The following KIF24 variants were observed in gnomAD, a reference collection of about 807,000 sequenced individuals.
The protein encoded by KIF24 is kinesin-like protein KIF24.
A neutral mutation model predicts 118.9 loss-of-function variants in KIF24; 81 were observed. That is an observed-to-expected ratio of 0.68 (90% confidence interval 0.57 to 0.82). The LOEUF (loss-of-function observed/expected upper bound fraction) is 0.82. KIF24 is among the 40% of genes least tolerant of loss of function. The pLI is 0.00. For synonymous variants in KIF24, 599 were observed against 610.0 expected, an observed-to-expected ratio of 0.98 and a Z score of 0.27; for missense variants, 1,560 against 1,661.6, an observed-to-expected ratio of 0.94 and a Z score of 1.06.
chr9:34,327,815 A>G (rs1369427333), intron 1 of KIF24, among the ~76,000 whole-genome samples: 3 of 146,056 alleles, frequency 2.1e-5, no homozygotes, highest in Non-Finnish European at 3.0e-5. Flanking sequence ...AGCCTGGGTG[A>G]CAGAGCAAGA....
intron 3 of KIF24, among the ~76,000 whole-genome samples, chr9:34,298,109 G>C (rs1213675306): frequency 2.0e-5 from 3 of 152,150 alleles, no homozygotes; most frequent in Non-Finnish European, 4.4e-5. Context: ...AGTGATGGAA[G>C]GGGGGAAGGT....
At chr9:34,298,928 A>C (rs1251829368) in intron 3 of KIF24, among the ~76,000 whole-genome samples, 5 of 152,116 alleles carry the variant, frequency 3.3e-5, no homozygotes, top group Non-Finnish European at 7.3e-5. Flanking sequence ...TAATTTGGAA[A>C]AAGACAGAAA....
intron 9 of KIF24, among the ~76,000 whole-genome samples, chr9:34,262,118 T>A (rs1835078973): frequency 6.6e-6 from 1 of 152,034 alleles, no homozygotes; most frequent in Non-Finnish European, 1.5e-5. Flanking sequence ...ATTTTTAAAT[T>A]TTTTATAGAA....
At chr9:34,309,603 G>A (rs1226225720) in intron 2 of KIF24, among the ~76,000 whole-genome samples, 2 of 149,916 alleles carry the variant, frequency 1.3e-5, no homozygotes, top group Non-Finnish European at 3.0e-5. Flanking sequence ...CAATGCAATA[G>A]CAACAATCTG....
chr9:34,307,547 G>A (rs1458874300), intron 2 of KIF24, among the ~76,000 whole-genome samples: 1 of 152,090 alleles, frequency 6.6e-6, no homozygotes, highest in African/African-American at 2.4e-5. Flanking sequence ...ACTGCAGATG[G>A]AATAAATAAA....
In KIF24 at chr9:34,254,336, C is replaced by A. The variant is rs74718885; in HGVS notation, c.*44G>T. On this transcript the variant is annotated 3_prime_UTR_variant, in exon 13 of 13. Transcript: ENST00000402558. ...GCTCCTCCAGCCTGAGAGCCCAGCA[C>A]AGACTCCTGCAGGGCCCCCACCATC... is the stretch of plus-strand genomic sequence containing the variant. The A allele has an allele frequency of 6.4e-7, 1 of 1,562,438 alleles. No homozygotes were observed. The highest frequency in any genetic ancestry group is 1.9e-5 in the Admixed American group (1 of 52,448).
chr9:34,326,946 A>AC (rs1212078070), intron 1 of KIF24, among the ~76,000 whole-genome samples: 1 of 71,898 alleles, frequency 1.4e-5, no homozygotes, highest in African/African-American at 3.2e-5. Flanking sequence ...CACTGAACTG[A>AC]CAAAAAAAAA....
In KIF24 at chr9:34,254,118, C is replaced by T. The variant is rs1224762188; in HGVS notation, c.*262G>A. 1 of 365,430 alleles carries T rather than the reference C, an allele frequency of 2.7e-6. No homozygotes were observed. Among genetic ancestry groups the T allele is most frequent in the African/African-American group, 2.1e-5 (1 of 47,956 alleles). The allele number at this position is 365,430 out of a possible 1,614,324, so 22.6% of individuals were successfully genotyped here. A position where few individuals can be genotyped will look rare whatever the true frequency, so the allele number is the denominator to read the frequency against. ...GGGTTAGTTAATCATATTCTCTAGG[C>T]ACAAGGGAAAGGCATTAGGTTCTTC... On this transcript the variant is annotated 3_prime_UTR_variant, in exon 13 of 13. Transcript: ENST00000402558.
intron 3 of KIF24, among the ~76,000 whole-genome samples, chr9:34,301,987 A>ATTTT (rs71504112): frequency 4.1e-5 from 3 of 72,566 alleles, no homozygotes; most frequent in East Asian, 3.3e-4. Context: ...CTATATATGT[A>ATTTT]TTTTTTTTTC....
At chr9:34,290,955 G>T (rs1041754279) in intron 4 of KIF24, among the ~76,000 whole-genome samples, 1 of 152,140 alleles carries the variant, frequency 6.6e-6, no homozygotes, top group Admixed American at 6.5e-5. Flanking sequence ...AACTCTAGAA[G>T]ATAAAGAAAC....
At chr9:34,270,611 G>GTT (rs34058450) in intron 7 of KIF24, among the ~76,000 whole-genome samples, 42 of 146,984 alleles carry the variant, frequency 2.9e-4, no homozygotes, top group East Asian at 6.2e-4. Flanking sequence ...ACCTAGCTAT[G>GTT]TTTTTTTTTA....
In KIF24 at chr9:34,254,544, T is replaced by C. The variant is rs117977524; in HGVS notation, c.3967-24A>G. 3.0e-3 allele frequency: 4,838 copies of C among 1,609,906 alleles called. 115 individuals are homozygous for C. The East Asian group carries it at 0.045, about 15-fold the overall frequency. On this transcript the variant is annotated intron_variant, in intron 12 of 12. Coordinates refer to ENST00000402558, the MANE Select transcript of KIF24 (RefSeq NM_194313.4). ...TCCTGAGAAGGAAACAAGGGACGAA[T>C]ACAGCTTTTGCTCTTGCTGGCGCTC...
At chr9:34,286,998 A>G (rs1181489304) in intron 5 of KIF24, among the ~76,000 whole-genome samples, 1 of 152,190 alleles carries the variant, frequency 6.6e-6, no homozygotes, top group Non-Finnish European at 1.5e-5. Flanking sequence ...ATTTGTTCAG[A>G]GGTGGATATG....
At chr9:34,320,658 C>CAAAAAAAAAAAAAAA (rs68048466) in intron 1 of KIF24, among the ~76,000 whole-genome samples, 1 of 54,436 alleles carries the variant, frequency 1.8e-5, no homozygotes, top group African/African-American at 8.4e-5. Flanking sequence ...AACTCCTTCT[C>CAAAAAAAAAAAAAAA]AAAAAAAAAA....
Position 34,259,639 on chromosome 9 carries a change from C to A in KIF24, c.1582G>T (p.Val528Leu). The change falls in exon 10 of 13, where the codon GTG (valine) becomes TTG (leucine). Residue 528 changes from valine to leucine, a missense_variant. Coordinates refer to ENST00000402558, the MANE Select transcript of KIF24 (RefSeq NM_194313.4). Reference sequence around the variant, plus strand: ...GTGTTGAGAGTGTGTTCAGTGGCCACGTGGCTTGGTGAGATGTTGGCGATC... The same window carrying A: ...GTGTTGAGAGTGTGTTCAGTGGCCAAGTGGCTTGGTGAGATGTTGGCGATC... ...CMIANISPSH[V>L]ATEHTLNTLR... is the part of the protein sequence containing the mutation. 1 of 1,613,868 alleles carries A rather than the reference C, an allele frequency of 6.2e-7. No individual in the cohort carries two copies. The highest frequency in any genetic ancestry group is 1.3e-5 in the African/African-American group (1 of 75,018).
intron 6 of KIF24, among the ~76,000 whole-genome samples, chr9:34,273,035 G>A (rs1335759736): frequency 6.6e-6 from 1 of 152,048 alleles, no homozygotes; most frequent in East Asian, 1.9e-4. Context: ...TTGAGCCCAG[G>A]AGGTCGAGGC....
chr9:34,305,225 G>A (rs746584182), intron 3 of KIF24, among the ~76,000 whole-genome samples: 6 of 152,098 alleles, frequency 3.9e-5, no homozygotes, highest in African/African-American at 9.7e-5. Context: ...ACTCTAGCAG[G>A]CAGTGAACAT....
chr9:34,327,566 G>A (rs1430497645), intron 1 of KIF24, among the ~76,000 whole-genome samples: 1 of 152,064 alleles, frequency 6.6e-6, no homozygotes, highest in African/African-American at 2.4e-5. Flanking sequence ...TTTGTACGGG[G>A]TGAACACTCA....
intron 9 of KIF24, among the ~76,000 whole-genome samples, chr9:34,262,269 C>T (rs1835082738): frequency 6.6e-6 from 1 of 151,990 alleles, no homozygotes; most frequent in Non-Finnish European, 1.5e-5. Context: ...AAGGTGGTGA[C>T]CAGAACAGCA....
Sources: gnomAD v4.1 joint callset for allele counts (sites outside exome capture counted in the v4.1 genomes callset) on GRCh38, gnomAD v4.1.1 for gene constraint, MANE v1.5 for transcripts, NCBI Gene and HGNC (gene_info 2026-07-23, HGNC 2026-07-21) for gene names.